The following SEMA6D variants were observed in gnomAD, a reference collection of about 807,000 sequenced individuals.
SEMA6D encodes semaphorin-6D.
In SEMA6D, 35 loss-of-function variants were observed where a neutral mutation model predicts 106.6. That is an observed-to-expected ratio of 0.33 (90% CI 0.25 to 0.44). The LOEUF (loss-of-function observed/expected upper bound fraction) is 0.44. Ranked by LOEUF, SEMA6D falls within the 20% of genes least tolerant of loss-of-function variation. The pLI is 1.00. For missense variants in SEMA6D, 1,185 were observed against 1,345.9 expected, an observed-to-expected ratio of 0.88 and a Z score of 1.87; for synonymous variants, 499 against 487.7, an observed-to-expected ratio of 1.02 and a Z score of -0.31.
chr15:47,556,070 G>A (rs2045906130), intron 3 of SEMA6D, among the ~76,000 whole-genome samples: 1 of 152,108 alleles, frequency 6.6e-6, no homozygotes, highest in Non-Finnish European at 1.5e-5. Flanking sequence ...CAGAATTCCA[G>A]CAGAAATAGA....
chr15:47,194,562 A>G (rs1894201008), intron 1 of SEMA6D, among the ~76,000 whole-genome samples: 1 of 152,158 alleles, frequency 6.6e-6, no homozygotes, highest in African/African-American at 2.4e-5. Context: ...GGTCAAAAAT[A>G]CTACATAAAG....
chr15:47,643,204 C>T (rs927447114), intron 4 of SEMA6D, among the ~76,000 whole-genome samples: 2 of 152,230 alleles, frequency 1.3e-5, no homozygotes, highest in African/African-American at 2.4e-5. Flanking sequence ...GAATATACCA[C>T]ATGCAGTAAG....
intron 1 of SEMA6D, among the ~76,000 whole-genome samples, chr15:47,257,132 A>G (rs1422863533): frequency 6.7e-6 from 1 of 148,940 alleles, no homozygotes; most frequent in Non-Finnish European, 1.5e-5. Flanking sequence ...ATCTCAGCTC[A>G]CTGCAAACTC....
At chr15:47,715,597 A>G (rs920455597), upstream of SEMA6D, among the ~76,000 whole-genome samples, 2 of 152,200 alleles carry the variant, frequency 1.3e-5, no homozygotes, top group African/African-American at 4.8e-5. Context: ...GATAATGTAG[A>G]CTGAAAACAC....
chr15:47,703,273 T>C (rs964921249), intron 4 of SEMA6D, among the ~76,000 whole-genome samples: 29 of 152,200 alleles, frequency 1.9e-4, no homozygotes, highest in African/African-American at 5.5e-4. Flanking sequence ...GGTGAAATTA[T>C]ATTTTTATAG....
At chr15:47,307,741 A>G (rs569121088) in intron 1 of SEMA6D, among the ~76,000 whole-genome samples, 1 of 152,314 alleles carries the variant, frequency 6.6e-6, no homozygotes, top group Non-Finnish European at 1.5e-5. Flanking sequence ...GTTTTCGTCT[A>G]TATCTTCCCT....
At chr15:47,329,631 C>T (rs2037264729) in intron 1 of SEMA6D, among the ~76,000 whole-genome samples, 1 of 152,174 alleles carries the variant, frequency 6.6e-6, no homozygotes, top group Admixed American at 6.5e-5. Flanking sequence ...TTCCCTGCCT[C>T]TGTATCTCTT....
chr15:47,367,093 A>T (rs371943835), intron 1 of SEMA6D, among the ~76,000 whole-genome samples: 2 of 152,214 alleles, frequency 1.3e-5, no homozygotes, highest in African/African-American at 4.8e-5. Flanking sequence ...TAATAATAGC[A>T]TCTGCCTCAT....
At chr15:47,629,363 GA>G (rs909750740) in intron 4 of SEMA6D, among the ~76,000 whole-genome samples, 1 of 151,966 alleles carries the variant, frequency 6.6e-6, no homozygotes, top group Non-Finnish European at 1.5e-5. Flanking sequence ...GGTCAATTTA[GA>G]AAGAATTGAT....
chr15:47,461,139 A>G (rs186175639), intron 2 of SEMA6D, among the ~76,000 whole-genome samples: 3 of 152,210 alleles, frequency 2.0e-5, no homozygotes, highest in East Asian at 3.9e-4. Flanking sequence ...TGGTCTTCGC[A>G]TCACTGCCTT....
chr15:47,718,298 G>C (rs1201611685), intron 1 of SEMA6D, among the ~76,000 whole-genome samples: 2 of 152,308 alleles, frequency 1.3e-5, no homozygotes, highest in East Asian at 3.9e-4. Flanking sequence ...GGCTAGGAGC[G>C]GGCGGGCGAG....
intron 1 of SEMA6D, among the ~76,000 whole-genome samples, chr15:47,265,296 T>C (rs1327311048): frequency 6.6e-6 from 1 of 151,962 alleles, no homozygotes; most frequent in Non-Finnish European, 1.5e-5. Flanking sequence ...ATCTCTTCAT[T>C]CATTATAGTT....
At chr15:47,768,814 G>T in intron 18 of SEMA6D, 66 bp downstream of exon 18, 4 of 1,473,274 alleles carry the variant, frequency 2.7e-6, no homozygotes, top group Non-Finnish European at 3.7e-6. Context: ...TCACTGAGGA[G>T]TATGTGGTTC....
intron 3 of SEMA6D, among the ~76,000 whole-genome samples, chr15:47,537,913 T>C (rs2045225281): frequency 6.6e-6 from 1 of 152,088 alleles, no homozygotes; most frequent in Non-Finnish European, 1.5e-5. Flanking sequence ...CAAGAGATTA[T>C]CCAAATATCA....
intron 1 of SEMA6D, among the ~76,000 whole-genome samples, chr15:47,367,694 A>T (rs545462): frequency 2.9e-5 from 4 of 136,258 alleles, no homozygotes; most frequent in African/African-American, 1.1e-4. Context: ...GCGCGCGCGC[A>T]CACACACACA....
intron 1 of SEMA6D, among the ~76,000 whole-genome samples, chr15:47,302,086 C>G (rs554212705): frequency 1.8e-4 from 27 of 152,150 alleles, no homozygotes; most frequent in African/African-American, 6.5e-4. Flanking sequence ...ACAGTTTATC[C>G]CCTTAATTCT....
At chr15:47,366,903 C>G (rs940980104) in intron 1 of SEMA6D, among the ~76,000 whole-genome samples, 2 of 152,200 alleles carry the variant, frequency 1.3e-5, no homozygotes, top group Non-Finnish European at 2.9e-5. Context: ...GGATTCAGTA[C>G]TGACTGCTTA....
intron 1 of SEMA6D, among the ~76,000 whole-genome samples, chr15:47,321,907 C>G (rs572941771): frequency 2.0e-4 from 31 of 152,276 alleles, no homozygotes; most frequent in African/African-American, 7.5e-4. Context: ...TGGAGGACAT[C>G]ATTAAAAACA....
intron 3 of SEMA6D, among the ~76,000 whole-genome samples, chr15:47,476,743 CA>C (rs2043012872): frequency 6.6e-6 from 1 of 152,138 alleles, no homozygotes; most frequent in African/African-American, 2.4e-5. Flanking sequence ...GAACTCATGC[CA>C]TTTACTCTGG....
Sources: gnomAD v4.1 joint callset for allele counts (sites outside exome capture counted in the v4.1 genomes callset) on GRCh38, gnomAD v4.1.1 for gene constraint, MANE v1.5 for transcripts, NCBI Gene and HGNC (gene_info 2026-07-23, HGNC 2026-07-21) for gene names.